The following QARS1 variants were observed in gnomAD, a reference collection of about 807,000 sequenced individuals.
QARS1 encodes the protein glutamine--tRNA ligase.
A neutral mutation model predicts 106.9 loss-of-function variants in QARS1; 79 were observed. The observed-to-expected ratio is 0.74, with a 90% CI of 0.62 to 0.89. QARS1 has a LOEUF of 0.89. Among genes scored for constraint, QARS1 ranks in the 40% least tolerant of loss-of-function variants. QARS1 has a pLI of 0.00. For synonymous variants in QARS1, 395 were observed against 367.7 expected (o/e 1.07, Z -0.85); for missense variants, 966 against 997.2 (o/e 0.97, Z 0.42).
rs1170045958 is a variant in QARS1, at chr3:49,104,337, C to CT, written c.251dup (p.Pro85AlafsTer8). 5 of 1,614,026 alleles carry CT rather than the reference C, an allele frequency of 3.1e-6. No homozygotes were observed. Among genetic ancestry groups the CT allele is most frequent in the African/African-American group, 2.7e-5 (2 of 74,942 alleles). ...TAGGGGTCTCACCGCTTAGCTGGGG[C>CT]TCAGTGTGGATCTTCTTACTGGCTA... On this transcript the variant is annotated frameshift_variant, in exon 2 of 24. Transcript: ENST00000306125. LOFTEE classifies it high-confidence loss of function.
At chr3:49,103,458 C>T (rs897064885) in intron 4 of QARS1, 49 bp from the exon 5 acceptor site, 3 of 1,604,598 alleles carry the variant, frequency 1.9e-6, no homozygotes, top group African/African-American at 2.7e-5. Context: ...AAGAGTACTC[C>T]CCCCACCTCT....
Position 49,099,374 on chromosome 3 carries a change from T to A in QARS1, c.1584A>T (p.Pro528=), listed in dbSNP as rs1575400035. 1 of 1,614,030 alleles carries A rather than the reference T, an allele frequency of 6.2e-7. No homozygotes were observed. The highest frequency in any genetic ancestry group is 1.1e-5 in the South Asian group (1 of 91,074). Residue 528 remains proline, a synonymous_variant, in exon 17 of 24, where the codon CCA becomes CCT. Transcript: ENST00000306125. ...CACAGAAGTTGTTGATGGCCTCAGG[T>A]GGGAAGCCCCGCCGTCGCAGGGCCG... The part of the protein sequence containing the change: ...TLTALRRRGF[P]PEAINNFCAR...
At position 49,099,850 on chromosome 3, in the gene QARS1, G is replaced by A; in HGVS notation, c.1299C>T (p.Cys433=). ...TPHHRTGDKW[C]IYPTYDYTHC... ...GTGTGTAGTCGTAGGTGGGATAGAT[G>A]CACCTGTGGGGCATAGGCAGTGGGC... The change falls in exon 15 of 24, where the codon TGC becomes TGT. Residue 433 remains cysteine, a synonymous_variant. Transcript: ENST00000306125. The A allele has an allele frequency of 6.2e-7, 1 of 1,612,230 alleles. No individual in the cohort carries two copies. The highest frequency in any genetic ancestry group is 8.5e-7 in the Non-Finnish European group (1 of 1,179,358).
At chr3:49,098,139 A>T in intron 22 of QARS1, 22 bp from the exon 23 acceptor site, 4 of 1,614,190 alleles carry the variant, frequency 2.5e-6, no homozygotes, top group Non-Finnish European at 3.4e-6. Flanking sequence ...GAACTCAGGC[A>T]ACCATCCAAC....
At chr3:49,104,126 C>T in intron 2 of QARS1, 154 bp from the exon 3 acceptor site, 1 of 1,122,142 alleles carries the variant, frequency 8.9e-7, no homozygotes. Flanking sequence ...GAAAGAAGCA[C>T]GTGTCGAGAG....
In QARS1 at chr3:49,100,370, C is replaced by G. The variant is rs372899947; in HGVS notation, c.1055+10G>C. 1,294 of 1,614,224 alleles carry G rather than the reference C, an allele frequency of 8.0e-4. 2 individuals are homozygous for G. The highest frequency in any genetic ancestry group is 7.9e-4 in the Non-Finnish European group (931 of 1,180,020). On this transcript the variant is annotated intron_variant, in intron 12 of 23. Transcript: ENST00000306125. ...GTCTGCCTGGCTCTACGTCATGGCC[C>G]TGGCCTTACCTGCGGATGAGCTCCA... is the stretch of plus-strand genomic sequence containing the variant.
Position 49,096,099 on chromosome 3 carries a change from G to C in QARS1, c.2278-20C>G. 1 of 1,613,172 alleles carries C rather than the reference G, an allele frequency of 6.2e-7. No individual in the cohort carries two copies. The highest frequency in any genetic ancestry group is 8.5e-7 in the Non-Finnish European group (1 of 1,179,632). The stretch of plus-strand genomic sequence containing the variant: ...GACAAGCTGGAGGGCAGAGGGAAAA[G>C]GATGACCACCAACCCAGAACAAGGC... On this transcript the variant is annotated intron_variant, in intron 23 of 23. Transcript: ENST00000306125.
chr3:49,098,686 C>G lies in QARS1; in HGVS notation c.1870G>C (p.Glu624Gln), dbSNP rs544950843. The change falls in exon 20 of 24, where the codon GAG (glutamate) becomes CAG (glutamine). Residue 624 changes from glutamate to glutamine, a missense_variant. Transcript: ENST00000306125. Reference sequence around the variant, plus strand: ...CAAGCCAGGCGCTTAAATCCTGGCTCTGGCTCCTAGAGATAGGAAGTGGGG... The same window carrying G: ...CAAGCCAGGCGCTTAAATCCTGGCTGTGGCTCCTAGAGATAGGAAGTGGGG... Reference protein sequence around the residue: ...IERTDFKEEPEPGFKRLAWGQ... With the variant: ...IERTDFKEEPQPGFKRLAWGQ... The G allele has an allele frequency of 2.9e-4, 456 of 1,596,864 alleles. 9 individuals are homozygous for G. In the South Asian group the frequency reaches 5.0e-3, roughly 18 times the overall value.
intron 3 of QARS1, 52 bp from the exon 4 acceptor site, chr3:49,103,758 T>A: frequency 6.2e-7 from 1 of 1,605,496 alleles, no homozygotes; most frequent in Non-Finnish European, 8.5e-7. Flanking sequence ...AGAGATATTC[T>A]GGGAACCCAC....
chr3:49,103,550 C>T (rs2042498513), intron 4 of QARS1, 81 bp downstream of exon 4: 2 of 1,563,774 alleles, frequency 1.3e-6, no homozygotes, highest in African/African-American at 2.7e-5. Flanking sequence ...CTGTTCCTTC[C>T]CCCACCTCCT....
intron 7 of QARS1, 92 bp from the exon 8 acceptor site, chr3:49,101,991 A>G (rs530198542): frequency 1.3e-3 from 1,753 of 1,400,620 alleles, no homozygotes; most frequent in Non-Finnish European, 1.5e-3. Flanking sequence ...CTATTCCCTC[A>G]ATTCCAGAGA....
rs916890735 is a variant in QARS1, at chr3:49,101,437, C to T, written c.794G>A (p.Arg265His). Residue 265 changes from arginine (R) to histidine (H), a missense_variant, in exon 10 of 24, where the codon CGT (arginine) becomes CAT (histidine). Coordinates refer to ENST00000306125, the MANE Select transcript of QARS1 (RefSeq NM_005051.3). The part of the protein sequence containing the change: ...QHLEITGGQV[R>H]TRFPPEPNGI... ...ATTGGGTTCTGGCGGGAACCGGGTA[C>T]GTACCTAAAATAAGGGGGATGGGAA... is the stretch of plus-strand genomic sequence containing the variant. The T allele has an allele frequency of 1.3e-5, 21 of 1,612,192 alleles. No homozygotes were observed. Among genetic ancestry groups the T allele is most frequent in the Middle Eastern group, 3.3e-4 (2 of 6,078 alleles).
At position 49,103,943 on chromosome 3, in the gene QARS1, A is replaced by G. The variant is rs754138545; in HGVS notation, c.295T>C (p.Leu99=). ...AALEYVRSHP[L]DPIDTVDFER... is the part of the protein sequence containing the mutation. ...AAGTCCACAGTGTCGATGGGGTCCA[A>G]GGGGTGACTCCGCACATACTCAAGG... The change falls in exon 3 of 24, where the codon TTG becomes CTG. Residue 99 remains leucine (L), a synonymous_variant. Coordinates refer to ENST00000306125, the MANE Select transcript of QARS1 (RefSeq NM_005051.3). 5.0e-6 allele frequency: 8 copies of G among 1,613,864 alleles called. No homozygotes were observed. The highest frequency in any genetic ancestry group is 6.8e-6 in the Non-Finnish European group (8 of 1,180,016).
In QARS1 at chr3:49,101,847, G is replaced by A; in HGVS notation, c.684C>T (p.Ala228=). 1 of 1,612,492 alleles carries A rather than the reference G, an allele frequency of 6.2e-7. No homozygotes were observed. ...ACTAACCAGGCTTGTGGAACTTAAG[G>A]GCCTCCCCCCGGAGCTGCTCCATCA... is the stretch of plus-strand genomic sequence containing the variant. The part of the protein sequence containing the change: ...LSLMEQLRGE[A]LKFHKPGENY... Residue 228 remains alanine, a synonymous_variant, in exon 8 of 24, where the codon GCC becomes GCT. Transcript: ENST00000306125.
chr3:49,097,999 T>C lies in QARS1; in HGVS notation c.2270A>G (p.Gln757Arg), dbSNP rs1426097729. The C allele has an allele frequency of 3.7e-6, 6 of 1,614,198 alleles. No homozygotes were observed. Among genetic ancestry groups the C allele is most frequent in the Non-Finnish European group, 4.2e-6 (5 of 1,180,032 alleles). The change falls in exon 23 of 24, where the codon CAG (glutamine) becomes CGG (arginine). Residue 757 changes from glutamine to arginine, a missense_variant. By Grantham distance (43) the Gln-to-Arg change is conservative (BLOSUM62 1). Coordinates refer to ENST00000306125, the MANE Select transcript of QARS1 (RefSeq NM_005051.3). The part of the protein sequence containing the change: ...GYFSVDPDSH[Q>R]GKLVFNRTVT... ...GTGAGTAAAGTCAAGCACCTTTCCC[T>C]GATGGCTGTCTGGATCCACGGAGAA...
Position 49,103,699 on chromosome 3 carries a change from G to GCCT in QARS1, c.380_382dup (p.Glu127dup). On this transcript the variant is annotated inframe_insertion, in exon 4 of 24. Transcript: ENST00000306125. The stretch of plus-strand genomic sequence containing the variant: ...CTGGGGCCGGTGCCTGTTAATAGCA[G>GCCT]CCTCCACCTGCAGAAAGCCAAACCA... 1 of 1,613,570 alleles carries GCCT rather than the reference G, an allele frequency of 6.2e-7. No individual in the cohort carries two copies. Among genetic ancestry groups the GCCT allele is most frequent in the Non-Finnish European group, 8.5e-7 (1 of 1,179,760 alleles).
At position 49,099,949 on chromosome 3, in the gene QARS1, T is replaced by C. The variant is rs762555272; in HGVS notation, c.1295+12A>G. 1 of 1,613,440 alleles carries C rather than the reference T, an allele frequency of 6.2e-7. No individual in the cohort carries two copies. Among genetic ancestry groups the C allele is most frequent in the Non-Finnish European group, 8.5e-7 (1 of 1,179,758 alleles). ...TCGGCAGCCCCACCACCCCACCCCA[T>C]TCTACACCCACCATTTGTCCCCTGT... is the stretch of plus-strand genomic sequence containing the variant. On this transcript the variant is annotated intron_variant, in intron 14 of 23. Transcript: ENST00000306125.
In QARS1 at chr3:49,104,498, G is replaced by GC. The variant is rs759052289; in HGVS notation, c.118-28dup. ...TGAGGTCAGAGGGGTCAAGAGAGAA[G>GC]CCCCGCGCTCAGTGAGAGGAAAGGG... On this transcript the variant is annotated intron_variant, in intron 1 of 23. Transcript: ENST00000306125. 4.1e-4 allele frequency: 661 copies of GC among 1,612,342 alleles called. 1 individual carries two copies. The Middle Eastern group carries it at 4.3e-3, about 11-fold the overall frequency.
At chr3:49,101,755 G>A in intron 8 of QARS1, 50 bp from the exon 9 acceptor site, 5 of 1,611,554 alleles carry the variant, frequency 3.1e-6, no homozygotes, top group Non-Finnish European at 4.2e-6. Flanking sequence ...CAAAGCCTCT[G>A]ACCCCAGGGG....
Sources: allele counts gnomAD v4.1 joint callset, GRCh38; gene constraint gnomAD v4.1.1; transcripts MANE v1.5; gene names NCBI Gene and HGNC (gene_info 2026-07-23, HGNC 2026-07-21).